Variants in TMEM154 observed in about 807,000 individuals in gnomAD.
TMEM154 encodes transmembrane protein 154.
A neutral mutation model predicts 24.5 loss-of-function variants in TMEM154; 27 were observed. That is an observed-to-expected ratio of 1.10 (90% CI 0.81 to 1.52). The LOEUF (loss-of-function observed/expected upper bound fraction) is 1.52. Among genes scored for constraint, TMEM154 ranks in the 40% most tolerant of loss-of-function variants. The pLI, the probability that TMEM154 is intolerant of heterozygous loss-of-function variation, is 0.00. For synonymous variants in TMEM154, 67 were observed against 76.8 expected (o/e 0.87, Z 0.67); for missense variants, 228 against 213.4 (o/e 1.07, Z -0.43).
chr4:152,632,028 C>T (rs1462743207), intron 6 of TMEM154, among the ~76,000 whole-genome samples: 1 of 151,598 alleles, frequency 6.6e-6, no homozygotes, highest in East Asian at 1.9e-4. Flanking sequence ...AGGATGGTCT[C>T]GATCTCCTGA....
rs1392869143 is a variant in TMEM154, at chr4:152,624,999, A to C, written c.*3547T>G. On this transcript the variant is annotated 3_prime_UTR_variant, in exon 7 of 7. Coordinates refer to ENST00000304385, the MANE Select transcript of TMEM154 (RefSeq NM_152680.3). ...ATTTCAGCAGTGTCTTCCCAGCATG[A>C]AACCATGTCTTATCACTCCACCAGA... 3 of 152,226 alleles carry C rather than the reference A, an allele frequency of 2.0e-5. No individual in the cohort carries two copies. Among genetic ancestry groups the C allele is most frequent in the Non-Finnish European group, 4.4e-5 (3 of 68,048 alleles). The allele number at this position is 152,226 out of a possible 1,614,324, so 9.4% of individuals were successfully genotyped here.
At chr4:152,661,065 C>T (rs1344700613) in intron 1 of TMEM154, among the ~76,000 whole-genome samples, 1 of 152,174 alleles carries the variant, frequency 6.6e-6, no homozygotes, top group Non-Finnish European at 1.5e-5. Flanking sequence ...AAGAAGCATA[C>T]CAGATGGTCC....
At chr4:152,640,401 T>C (rs567273297) in intron 6 of TMEM154, among the ~76,000 whole-genome samples, 2 of 152,308 alleles carry the variant, frequency 1.3e-5, no homozygotes, top group South Asian at 4.1e-4. Flanking sequence ...CAAAAGATAA[T>C]ATAATTTAAA....
Position 152,644,461 on chromosome 4 carries a change from A to G in TMEM154, c.365-19T>C. The G allele has an allele frequency of 6.2e-7, 1 of 1,613,692 alleles. No homozygotes were observed. Among genetic ancestry groups the G allele is most frequent in the African/African-American group, 1.3e-5 (1 of 75,048 alleles). On this transcript the variant is annotated intron_variant, in intron 3 of 6. Transcript: ENST00000304385. ...AGTTCATCTAAAAGGAAATGAACATAAAGGTCATGTTAGCTTTGTTCTTCT... is the reference window on the plus strand; with the variant it reads ...AGTTCATCTAAAAGGAAATGAACATGAAGGTCATGTTAGCTTTGTTCTTCT...
rs1751841613 is a variant in TMEM154, at chr4:152,621,384, T to G, written c.*7162A>C. The G allele has an allele frequency of 6.6e-6, 1 of 152,260 alleles. No homozygotes were observed. The highest frequency in any genetic ancestry group is 1.5e-5 in the Non-Finnish European group (1 of 68,044). 9.4% of individuals were successfully genotyped at this position (152,260 alleles called of 1,614,324 possible). On this transcript the variant is annotated 3_prime_UTR_variant, in exon 7 of 7. Coordinates refer to ENST00000304385, the MANE Select transcript of TMEM154 (RefSeq NM_152680.3). ...AGCTCACCTTGAATCAGGAACTTAA[T>G]TCCTAACTGATCCACATGATGAATG... is the stretch of plus-strand genomic sequence containing the variant.
At chr4:152,651,390 A>C (rs918551447) in intron 3 of TMEM154, among the ~76,000 whole-genome samples, 5 of 152,196 alleles carry the variant, frequency 3.3e-5, no homozygotes, top group Non-Finnish European at 5.9e-5. Context: ...AGCCACCTTC[A>C]TCAACGATTT....
At chr4:152,677,769 T>G (rs1174188914) in intron 1 of TMEM154, among the ~76,000 whole-genome samples, 1 of 152,002 alleles carries the variant, frequency 6.6e-6, no homozygotes, top group Admixed American at 6.6e-5. Flanking sequence ...GAGCTATCAG[T>G]TTTTTTTGTA....
intron 6 of TMEM154, among the ~76,000 whole-genome samples, chr4:152,631,235 T>C (rs1752036274): frequency 1.3e-5 from 2 of 152,210 alleles, no homozygotes; most frequent in African/African-American, 2.4e-5. Flanking sequence ...GAACTATCCT[T>C]TTCCCCACAT....
At chr4:152,676,296 T>C (rs1169074931) in intron 1 of TMEM154, among the ~76,000 whole-genome samples, 1 of 152,052 alleles carries the variant, frequency 6.6e-6, no homozygotes, top group Non-Finnish European at 1.5e-5. Flanking sequence ...TAGCCAAGAG[T>C]TCTGTGCTGC....
chr4:152,636,772 T>C (rs1263773393), intron 6 of TMEM154, among the ~76,000 whole-genome samples: 1 of 152,222 alleles, frequency 6.6e-6, no homozygotes, highest in Non-Finnish European at 1.5e-5. Flanking sequence ...ATGGACTTAA[T>C]AGATAACAGA....
At chr4:152,663,337 A>G (rs142215035) in intron 1 of TMEM154, among the ~76,000 whole-genome samples, 3 of 152,352 alleles carry the variant, frequency 2.0e-5, no homozygotes, top group African/African-American at 4.8e-5. Context: ...AGGTGGGGCT[A>G]GAGGTAAAAC....
At chr4:152,660,020 C>CTGA (rs200675344) in intron 1 of TMEM154, among the ~76,000 whole-genome samples, 7,140 of 151,564 alleles carry the variant, frequency 0.047, 204 homozygotes, top group East Asian at 0.072. Flanking sequence ...GTAACTGAAA[C>CTGA]CACGAAAAAC....
chr4:152,676,732 C>T (rs967819233), intron 1 of TMEM154, among the ~76,000 whole-genome samples: 1 of 152,130 alleles, frequency 6.6e-6, no homozygotes, highest in African/African-American at 2.4e-5. Context: ...AATGTGTAGC[C>T]TTACTTACAT....
chr4:152,665,056 C>T (rs764789460), intron 1 of TMEM154, among the ~76,000 whole-genome samples: 2 of 152,182 alleles, frequency 1.3e-5, no homozygotes, highest in African/African-American at 2.4e-5. Context: ...CTGATGCCCA[C>T]ACCATACCCC....
In TMEM154 at chr4:152,628,492, C is replaced by T. The variant is rs1033374399; in HGVS notation, c.*54G>A. 9.0e-6 allele frequency: 14 copies of T among 1,549,392 alleles called. No individual in the cohort carries two copies. Among genetic ancestry groups the T allele is most frequent in the Non-Finnish European group, 1.2e-5 (14 of 1,140,276 alleles). ...CCTCTTCATCCTCTGTTGGCAGCCT[C>T]AGCAGACTCCCTCAGGGGCTGCTTC... On this transcript the variant is annotated 3_prime_UTR_variant, in exon 7 of 7. Coordinates refer to ENST00000304385, the MANE Select transcript of TMEM154 (RefSeq NM_152680.3).
In TMEM154 at chr4:152,628,377, A is replaced by T; in HGVS notation, c.*169T>A. On this transcript the variant is annotated 3_prime_UTR_variant, in exon 7 of 7. Transcript: ENST00000304385. The stretch of plus-strand genomic sequence containing the variant: ...TCAATTGCACATTCTTCCAAGTGCA[A>T]GTGATGCCATCATTAGGAAGAGTGG... 2 of 1,129,110 alleles carry T rather than the reference A, an allele frequency of 1.8e-6. No homozygotes were observed. Among genetic ancestry groups the T allele is most frequent in the Non-Finnish European group, 2.6e-6 (2 of 763,570 alleles). 69.9% of individuals were successfully genotyped at this position (1,129,110 alleles called of 1,614,324 possible).
chr4:152,651,404 C>G (rs955365856), intron 3 of TMEM154, among the ~76,000 whole-genome samples: 4 of 152,208 alleles, frequency 2.6e-5, no homozygotes, highest in African/African-American at 7.2e-5. Context: ...ACGATTTGAA[C>G]TAGGTCTTCT....
chr4:152,644,801 G>A (rs897251696), intron 3 of TMEM154, among the ~76,000 whole-genome samples: 2 of 152,234 alleles, frequency 1.3e-5, no homozygotes, highest in Non-Finnish European at 2.9e-5. Context: ...TCAGTAAAAT[G>A]TCCCAGATCT....
At position 152,650,968 on chromosome 4, in the gene TMEM154, G is replaced by A. The variant is rs181565626; in HGVS notation, c.364+1570C>T. On this transcript the variant is annotated intron_variant, in intron 3 of 6. Coordinates refer to ENST00000304385, the MANE Select transcript of TMEM154 (RefSeq NM_152680.3). ...TCAGTAAACCATGCTATAAACAAAT[G>A]TGCTAACATCCAGGCTTGGTTGTTC... Among the ~76,000 whole-genome samples, 4 of 152,292 alleles carry A rather than the reference G, an allele frequency of 2.6e-5. No homozygotes were observed. In the East Asian group the frequency reaches 7.7e-4, roughly 29 times the overall value.
Sources: gnomAD v4.1 joint callset for allele counts (sites outside exome capture counted in the v4.1 genomes callset) on GRCh38, gnomAD v4.1.1 for gene constraint, MANE v1.5 for transcripts, NCBI Gene and HGNC (gene_info 2026-07-23, HGNC 2026-07-21) for gene names.